The following RAD51B variants were observed in gnomAD, a reference collection of about 807,000 sequenced individuals.
RAD51B encodes the protein RAD51 paralog B.
RAD51B carries 38 observed loss-of-function variants against 42.2 expected under a neutral mutation model. That is an observed-to-expected ratio of 0.90 (90% CI 0.70 to 1.18). The LOEUF (loss-of-function observed/expected upper bound fraction) is 1.18, where lower values mean the gene tolerates loss of function less well. RAD51B is among the 50% of genes most tolerant of loss of function. The pLI is 0.00. For synonymous variants in RAD51B, 154 were observed against 145.2 expected (o/e 1.06, Z -0.43); for missense variants, 373 against 400.7 (o/e 0.93, Z 0.59).
chr14:68,035,431 A>G (rs2140379981), intron 7 of RAD51B, among the ~76,000 whole-genome samples: 1 of 152,338 alleles, frequency 6.6e-6, no homozygotes, highest in Middle Eastern at 3.4e-3. Flanking sequence ...AGATATGAGA[A>G]TTTAAACATA....
rs543786145 is a variant in RAD51B at position 67,989,075 on chromosome 14, A to G, written c.756+101871A>G. Among the ~76,000 whole-genome samples, 8 of 152,312 alleles carry G rather than the reference A, an allele frequency of 5.3e-5. No individual in the cohort carries two copies. The East Asian group carries it at 1.2e-3, about 22-fold the overall frequency. On this transcript the variant is annotated intron_variant, in intron 7 of 10. Coordinates refer to ENST00000471583, the MANE Select transcript of RAD51B (RefSeq NM_133510.4). ...TCAGTGCCTTATTTTAATAGAGGTA[A>G]TAGAATTCTATGTGGTGGTTTCCTG... is the stretch of plus-strand genomic sequence containing the variant.
chr14:68,660,535 G>T (rs1892911037), intron 11 of RAD51B, among the ~76,000 whole-genome samples: 1 of 152,212 alleles, frequency 6.6e-6, no homozygotes, highest in Non-Finnish European at 1.5e-5. Context: ...TTACACTGTA[G>T]TTGGGAGACC....
intron 8 of RAD51B, among the ~76,000 whole-genome samples, chr14:68,299,915 C>T (rs1458169324): frequency 6.6e-6 from 1 of 152,162 alleles, no homozygotes; most frequent in African/African-American, 2.4e-5. Flanking sequence ...ACTTTATGAT[C>T]TAATTGACCC....
intron 10 of RAD51B, among the ~76,000 whole-genome samples, chr14:68,645,683 G>A (rs1050030130): frequency 1.3e-5 from 2 of 152,042 alleles, no homozygotes; most frequent in African/African-American, 4.8e-5. Context: ...TTTTTTTAGT[G>A]ATAGTCATCC....
intron 8 of RAD51B, among the ~76,000 whole-genome samples, chr14:68,372,951 C>T (rs1187182985): frequency 6.6e-6 from 1 of 152,152 alleles, no homozygotes; most frequent in Non-Finnish European, 1.5e-5. Context: ...AGCTCTTTCA[C>T]AAATATGAAA....
chr14:68,384,863 G>A (rs748763384), intron 8 of RAD51B, among the ~76,000 whole-genome samples: 7 of 152,124 alleles, frequency 4.6e-5, no homozygotes, highest in Non-Finnish European at 7.4e-5. Flanking sequence ...CTCCCCACCA[G>A]TATACTCCAA....
intron 7 of RAD51B, among the ~76,000 whole-genome samples, chr14:68,258,516 C>T (rs2080806613): frequency 6.6e-6 from 1 of 151,998 alleles, no homozygotes; most frequent in Non-Finnish European, 1.5e-5. Context: ...AGAAACATAT[C>T]TCTTTAACTA....
Position 68,648,036 on chromosome 14 carries a change from TAC to T in RAD51B, c.1037-2740_1037-2739del, listed in dbSNP as rs1555434118. Among the ~76,000 whole-genome samples, 42 of 114,008 alleles carry T rather than the reference TAC, an allele frequency of 3.7e-4. 2 individuals are homozygous for T. In the South Asian group the frequency reaches 4.8e-3, roughly 13 times the overall value. The allele number at this position is 114,008 out of a possible 152,430, so 74.8% of individuals were successfully genotyped here. ...ATATATATATACGTATATATATATA[TAC>T]ACACGTATATAGATGTGTGTGTGTA... On this transcript the variant is annotated intron_variant, in intron 10 of 11. Transcript: ENST00000488612.
intron 7 of RAD51B, among the ~76,000 whole-genome samples, chr14:68,218,353 A>G (rs915407342): frequency 2.6e-5 from 4 of 152,228 alleles, no homozygotes; most frequent in Admixed American, 2.0e-4. Flanking sequence ...TCAAACTTTA[A>G]TGCTGGCTTC....
chr14:68,257,818 A>G (rs2080785073), intron 7 of RAD51B, among the ~76,000 whole-genome samples: 1 of 152,116 alleles, frequency 6.6e-6, no homozygotes, highest in Non-Finnish European at 1.5e-5. Flanking sequence ...ATAGAAGTGG[A>G]GTCCATGTCA....
At chr14:68,229,389 G>A (rs567508234) in intron 7 of RAD51B, among the ~76,000 whole-genome samples, 11 of 152,308 alleles carry the variant, frequency 7.2e-5, no homozygotes, top group African/African-American at 2.6e-4. Context: ...AGGGCCCTTT[G>A]TGGATAAGAT....
At chr14:68,613,733 C>T (rs12588477), downstream of RAD51B, among the ~76,000 whole-genome samples, 104,639 of 151,654 alleles carry the variant, frequency 0.69, 36,516 homozygotes, top group South Asian at 0.8. Context: ...GGATTACAGG[C>T]GTGAGCCACC....
intron 8 of RAD51B, among the ~76,000 whole-genome samples, chr14:68,399,507 T>C (rs1198610376): frequency 6.6e-6 from 1 of 152,204 alleles, no homozygotes; most frequent in African/African-American, 2.4e-5. Flanking sequence ...TCCACCCGCC[T>C]TGGCCTCCCA....
At chr14:68,592,885 G>A (rs1160695151) in intron 10 of RAD51B, among the ~76,000 whole-genome samples, 1 of 149,464 alleles carries the variant, frequency 6.7e-6, no homozygotes, top group African/African-American at 2.5e-5. Flanking sequence ...TGAGTGATAC[G>A]TCATTCTTAT....
intron 7 of RAD51B, among the ~76,000 whole-genome samples, chr14:67,894,572 T>C (rs144222565): frequency 1.5e-3 from 236 of 152,350 alleles, no homozygotes; most frequent in Non-Finnish European, 2.7e-3. Context: ...CTCTCTGTGA[T>C]ATAATGGAGA....
chr14:67,936,880 T>C (rs1292311857), intron 7 of RAD51B, among the ~76,000 whole-genome samples: 1 of 152,244 alleles, frequency 6.6e-6, no homozygotes, highest in Non-Finnish European at 1.5e-5. Context: ...TATATCTCTT[T>C]TGGAGAAAGT....
At chr14:67,918,289 C>T (rs2044219478) in intron 7 of RAD51B, among the ~76,000 whole-genome samples, 1 of 152,104 alleles carries the variant, frequency 6.6e-6, no homozygotes, top group Non-Finnish European at 1.5e-5. Context: ...GGCCAGAGTG[C>T]AGTGGCATGA....
At chr14:68,481,815 C>G (rs1187934822), downstream of RAD51B, among the ~76,000 whole-genome samples, 1 of 152,190 alleles carries the variant, frequency 6.6e-6, no homozygotes, top group Non-Finnish European at 1.5e-5. Context: ...CAGCATAATA[C>G]TACACACACA....
rs553231767 is a variant in RAD51B at position 68,241,280 on chromosome 14, C to T, written c.757-50604C>T. Reference sequence around the variant, plus strand: ...TCAATCAGGCGGGCGTGGTGGCTCACGCCTGTAATCCCAGCACTTCGGGAG... The same window carrying T: ...TCAATCAGGCGGGCGTGGTGGCTCATGCCTGTAATCCCAGCACTTCGGGAG... On this transcript the variant is annotated intron_variant, in intron 7 of 10. Transcript: ENST00000471583. 1.1e-4 allele frequency among the ~76,000 whole-genome samples: 16 copies of T among 152,308 alleles called. No homozygotes were observed. In the South Asian group the frequency reaches 2.5e-3, roughly 24 times the overall value.
Sources: gnomAD v4.1 joint callset for allele counts (sites outside exome capture counted in the v4.1 genomes callset) on GRCh38, gnomAD v4.1.1 for gene constraint, MANE v1.5 for transcripts, NCBI Gene and HGNC (gene_info 2026-07-23, HGNC 2026-07-21) for gene names.